The following METTL22 variants were observed in gnomAD, a reference collection of about 807,000 sequenced individuals.
METTL22 encodes methyltransferase-like protein 22.
METTL22 carries 51 observed loss-of-function variants against 48.4 expected under a neutral mutation model. That is an observed-to-expected ratio of 1.05 (90% CI 0.84 to 1.33). METTL22 has a LOEUF of 1.33. Ranked by LOEUF, METTL22 falls within the 40% of genes most tolerant of loss-of-function variation. The probability of loss-of-function intolerance (pLI) is 0.00; values close to 1 mark genes in which losing one functional copy is unlikely to be tolerated. For synonymous variants in METTL22, 255 were observed against 214.1 expected (o/e 1.19, Z -1.67); for missense variants, 678 against 526.9 (o/e 1.29, Z -2.81).
At chr16:8,642,392 T>A in intron 8 of METTL22, 71 bp from the exon 9 acceptor site, 1 of 1,440,104 alleles carries the variant, frequency 6.9e-7, no homozygotes, top group Non-Finnish European at 9.8e-7. Context: ...TCTGTGCGGA[T>A]TGCTCTGAAA....
At chr16:8,625,279 G>C (rs1032790167) in intron 1 of METTL22, among the ~76,000 whole-genome samples, 19 of 152,028 alleles carry the variant, frequency 1.2e-4, no homozygotes, top group Admixed American at 7.9e-4. Flanking sequence ...CTAAGCAGTA[G>C]TTCTACGGTT....
Position 8,641,124 on chromosome 16 carries a change from T to G in METTL22, c.773-7T>G. ...TTGGAAAGTTCTCTTTTTGTTTGTT[T>G]TTACAGGTGGTATAGTTAGGGTCAA... On this transcript the variant is annotated splice_polypyrimidine_tract_variant and splice_region_variant and intron_variant, in intron 6 of 10. Coordinates refer to ENST00000381920, the MANE Select transcript of METTL22 (RefSeq NM_024109.4). The G allele has an allele frequency of 6.2e-7, 1 of 1,613,866 alleles. No individual in the cohort carries two copies.
the METTL22 span, among the ~76,000 whole-genome samples, chr16:8,655,178 G>T: frequency 6.6e-6 from 1 of 152,222 alleles, no homozygotes; most frequent in Non-Finnish European, 1.5e-5. Flanking sequence ...GTACCTGTGG[G>T]TCATAAATCT....
the METTL22 span, among the ~76,000 whole-genome samples, chr16:8,662,945 C>T: frequency 2.1e-5 from 3 of 144,838 alleles, 1 homozygote; most frequent in South Asian, 2.3e-4. Context: ...TGGTGGCTCA[C>T]ACCTGTAACC....
chr16:8,654,935 C>T, the METTL22 span, among the ~76,000 whole-genome samples: 43 of 152,200 alleles, frequency 2.8e-4, no homozygotes, highest in Admixed American at 9.2e-4. Context: ...TTACAGAGAA[C>T]GCTAATGGAC....
At position 8,646,565 on chromosome 16, in the gene METTL22, G is replaced by C. The variant is rs565869113; in HGVS notation, c.*422G>C. On this transcript the variant is annotated 3_prime_UTR_variant, in exon 11 of 11. Coordinates refer to ENST00000381920, the MANE Select transcript of METTL22 (RefSeq NM_024109.4). ...CTGCCAGTATTGCCATCATATTGCCGCTCGGCACAAAAGCCTCATTTCCTC... is the reference window on the plus strand; with the variant it reads ...CTGCCAGTATTGCCATCATATTGCCCCTCGGCACAAAAGCCTCATTTCCTC... The C allele has an allele frequency of 3.4e-5, 16 of 468,460 alleles. 1 individual carries two copies. The East Asian group carries it at 4.7e-4, about 14-fold the overall frequency. 29.0% of individuals were successfully genotyped at this position (468,460 alleles called of 1,614,324 possible).
At chr16:8,629,935 A>G (rs1305964711) in intron 3 of METTL22, among the ~76,000 whole-genome samples, 1 of 152,112 alleles carries the variant, frequency 6.6e-6, no homozygotes, top group African/African-American at 2.4e-5. Context: ...GAGGAAGTGA[A>G]AGGCCTAGCG....
Position 8,639,182 on chromosome 16 carries a change from C to T in METTL22, c.772+20C>T. The T allele has an allele frequency of 6.2e-7, 1 of 1,613,316 alleles. No individual in the cohort carries two copies. Among genetic ancestry groups the T allele is most frequent in the Non-Finnish European group, 8.5e-7 (1 of 1,179,508 alleles). On this transcript the variant is annotated intron_variant, in intron 6 of 10. Transcript: ENST00000381920. ...CTGGAGGTGAGGCCCAGGGGGTCTTCTGCCAGGGAGGGAGGTTTCTCTGTT... is the reference window on the plus strand; with the variant it reads ...CTGGAGGTGAGGCCCAGGGGGTCTTTTGCCAGGGAGGGAGGTTTCTCTGTT...
chr16:8,633,001 G>A (rs903600110), intron 3 of METTL22, among the ~76,000 whole-genome samples: 8 of 152,136 alleles, frequency 5.3e-5, no homozygotes, highest in African/African-American at 1.9e-4. Context: ...GGGTTAGGGA[G>A]CAGATGGCAA....
At chr16:8,650,775 G>T (rs77557575), downstream of METTL22, among the ~76,000 whole-genome samples, 24 of 152,148 alleles carry the variant, frequency 1.6e-4, no homozygotes, top group East Asian at 3.3e-3. Context: ...GTGTAATCCC[G>T]GCACTTTGGG....
At chr16:8,663,525 A>G in the METTL22 span, among the ~76,000 whole-genome samples, 3 of 152,010 alleles carry the variant, frequency 2.0e-5, no homozygotes, top group Non-Finnish European at 2.9e-5. Context: ...GGAAGAGTTC[A>G]GAGCTAAAAT....
intron 9 of METTL22, among the ~76,000 whole-genome samples, chr16:8,643,332 C>G (rs2056682690): frequency 6.6e-6 from 1 of 152,194 alleles, no homozygotes; most frequent in Non-Finnish European, 1.5e-5. Context: ...CATTTGGATC[C>G]TGATTTCATA....
chr16:8,641,089 T>G, intron 6 of METTL22, 42 bp from the exon 7 acceptor site: 1 of 1,574,424 alleles, frequency 6.4e-7, no homozygotes, highest in African/African-American at 1.3e-5. Context: ...TTCCTGATGA[T>G]GTTTAGAGTT....
At position 8,628,711 on chromosome 16, in the gene METTL22, G is replaced by C. The variant is rs373549604; in HGVS notation, c.134-19G>C. ...AAACATCTTGGAATTCTCATTTTGC[G>C]TTCTGTCTTGCCTTTCAGTTTTCCT... is the stretch of plus-strand genomic sequence containing the variant. On this transcript the variant is annotated intron_variant, in intron 2 of 10. Coordinates refer to ENST00000381920, the MANE Select transcript of METTL22 (RefSeq NM_024109.4). 4 of 1,572,276 alleles carry C rather than the reference G, an allele frequency of 2.5e-6. No individual in the cohort carries two copies. Among genetic ancestry groups the C allele is most frequent in the Non-Finnish European group, 3.4e-6 (4 of 1,160,670 alleles).
At chr16:8,629,847 C>T (rs900931115) in intron 3 of METTL22, among the ~76,000 whole-genome samples, 3 of 152,142 alleles carry the variant, frequency 2.0e-5, no homozygotes, top group Non-Finnish European at 2.9e-5. Context: ...CCTGGTTAAG[C>T]ACCTATCGTG....
chr16:8,636,699 A>G (rs2056435079), intron 5 of METTL22, among the ~76,000 whole-genome samples: 1 of 149,048 alleles, frequency 6.7e-6, no homozygotes, highest in Non-Finnish European at 1.5e-5. Context: ...ATCTTTGTAT[A>G]TTGTCTAATA....
At chr16:8,662,199 A>G in the METTL22 span, among the ~76,000 whole-genome samples, 2 of 144,954 alleles carry the variant, frequency 1.4e-5, 1 homozygote, top group Non-Finnish European at 3.0e-5. Flanking sequence ...CTGTGACTGC[A>G]CCACTGCACT....
chr16:8,644,828 C>T, intron 10 of METTL22, 103 bp downstream of exon 10: 1 of 1,253,104 alleles, frequency 8.0e-7, no homozygotes, highest in Non-Finnish European at 1.1e-6. Context: ...ACAGGCTCCA[C>T]CCTAGTCCTG....
chr16:8,664,918 T>C, the METTL22 span, among the ~76,000 whole-genome samples: 26,137 of 151,982 alleles, frequency 0.17, 2,543 homozygotes, highest in Admixed American at 0.29. Context: ...CTCACCTGCT[T>C]GGTTGTCTGG....
Sources: allele counts gnomAD v4.1 joint callset (sites outside exome capture counted in the v4.1 genomes callset), GRCh38; gene constraint gnomAD v4.1.1; transcripts MANE v1.5; gene names NCBI Gene and HGNC (gene_info 2026-07-23, HGNC 2026-07-21).